The following LRRC4C variants were observed in gnomAD, a reference collection of about 807,000 sequenced individuals.
LRRC4C encodes the protein leucine-rich repeat-containing protein 4C.
LRRC4C carries 5 observed loss-of-function variants against 33.6 expected under a neutral mutation model. That is an observed-to-expected ratio of 0.15 (90% confidence interval 0.08 to 0.31). The LOEUF is 0.31. LRRC4C is among the 10% of genes least tolerant of loss of function. LRRC4C has a pLI of 1.00. For synonymous variants in LRRC4C, 329 were observed against 302.0 expected, an observed-to-expected ratio of 1.09 and a Z score of -0.93; for missense variants, 560 against 796.7, an observed-to-expected ratio of 0.70 and a Z score of 3.58.
At chr11:40,632,218 T>C (rs769129428) in intron 3 of LRRC4C, among the ~76,000 whole-genome samples, 8 of 152,188 alleles carry the variant, frequency 5.3e-5, no homozygotes, top group Non-Finnish European at 8.8e-5. Context: ...AATTAGGTAT[T>C]TGTTTTGAAA....
chr11:40,482,432 G>T (rs1467326202), intron 3 of LRRC4C, among the ~76,000 whole-genome samples: 2 of 152,036 alleles, frequency 1.3e-5, no homozygotes, highest in East Asian at 3.9e-4. Flanking sequence ...AAGACAATAA[G>T]CTAATAGAAA....
chr11:41,105,402 T>C (rs887989480), intron 1 of LRRC4C, among the ~76,000 whole-genome samples: 4 of 152,056 alleles, frequency 2.6e-5, no homozygotes, highest in African/African-American at 9.7e-5. Context: ...ACGCACATAA[T>C]CTATTATATT....
At position 40,865,610 on chromosome 11, in the gene LRRC4C, T is replaced by TA. The variant is rs995457608; in HGVS notation, c.-407+68024dup. Among the ~76,000 whole-genome samples the TA allele has an allele frequency of 6.6e-5, 10 of 151,402 alleles. No individual in the cohort carries two copies. The South Asian group carries it at 1.5e-3, about 22-fold the overall frequency. On this transcript the variant is annotated intron_variant, in intron 2 of 6. Coordinates refer to ENST00000528697, the MANE Select transcript of LRRC4C (RefSeq NM_001258419.2). ...GTTTCAAAAATAAATAAATTTGTAA[T>TA]AAAAATATAAATAAATAACAAAAGC...
chr11:40,722,098 T>C (rs913745027), intron 2 of LRRC4C, among the ~76,000 whole-genome samples: 1 of 152,226 alleles, frequency 6.6e-6, no homozygotes, highest in Non-Finnish European at 1.5e-5. Flanking sequence ...GACAAATGTA[T>C]TTAAAAATTG....
chr11:41,006,434 A>T (rs1854758529), intron 1 of LRRC4C, among the ~76,000 whole-genome samples: 1 of 152,172 alleles, frequency 6.6e-6, no homozygotes. Flanking sequence ...TACATCTCTC[A>T]TCTATTCATC....
chr11:41,363,800 A>G (rs997483172), intron 1 of LRRC4C, among the ~76,000 whole-genome samples: 6 of 152,158 alleles, frequency 3.9e-5, no homozygotes, highest in African/African-American at 1.2e-4. Flanking sequence ...AAACTATTTT[A>G]CTTTGGCTGT....
At chr11:41,246,578 C>A (rs1339551073) in intron 1 of LRRC4C, among the ~76,000 whole-genome samples, 1 of 152,194 alleles carries the variant, frequency 6.6e-6, no homozygotes, top group Non-Finnish European at 1.5e-5. Flanking sequence ...GCTCCTGCAG[C>A]TCTGTGGAGC....
chr11:41,004,778 G>A (rs899547063), intron 1 of LRRC4C, among the ~76,000 whole-genome samples: 4 of 149,352 alleles, frequency 2.7e-5, no homozygotes, highest in Non-Finnish European at 6.0e-5. Context: ...CTGAGGCTGT[G>A]TCACAGAAAA....
At chr11:41,013,780 T>G (rs908473285) in intron 1 of LRRC4C, among the ~76,000 whole-genome samples, 3 of 152,134 alleles carry the variant, frequency 2.0e-5, no homozygotes, top group Non-Finnish European at 4.4e-5. Flanking sequence ...AAAAGAAATT[T>G]AGTTGGCTTA....
Position 41,437,421 on chromosome 11 carries a change from G to GCACACACACACA in LRRC4C, c.-496+22009_-496+22010insTGTGTGTGTGTG, listed in dbSNP as rs138502307. Among the ~76,000 whole-genome samples the GCACACACACACA allele has an allele frequency of 4.7e-3, 679 of 145,054 alleles. 5 individuals are homozygous for GCACACACACACA. The highest frequency in any genetic ancestry group is 0.016 in the African/African-American group (627 of 38,526). On this transcript the variant is annotated intron_variant, in intron 1 of 6. Coordinates refer to ENST00000528697, the MANE Select transcript of LRRC4C (RefSeq NM_001258419.2). ...CACGCACACACACAAACGCGCGCGC[G>GCACACACACACA]CGCGCACACACACACACACACACAC...
intron 1 of LRRC4C, among the ~76,000 whole-genome samples, chr11:41,347,824 C>T (rs925402081): frequency 2.6e-5 from 4 of 152,146 alleles, no homozygotes; most frequent in African/African-American, 9.7e-5. Context: ...CTTGGAATCA[C>T]ATAAGATTGC....
At chr11:40,213,537 C>T (rs34326612) in intron 5 of LRRC4C, among the ~76,000 whole-genome samples, 8,418 of 152,198 alleles carry the variant, frequency 0.055, 322 homozygotes, top group Middle Eastern at 0.088. Context: ...GTCTCCCCTT[C>T]CTAGTAGCCA....
chr11:41,210,055 C>T (rs1946759502), intron 1 of LRRC4C, among the ~76,000 whole-genome samples: 1 of 152,136 alleles, frequency 6.6e-6, no homozygotes, highest in Non-Finnish European at 1.5e-5. Context: ...AAAGAGAGGC[C>T]TCACTTGAAA....
chr11:40,886,622 T>G (rs2136070484), intron 2 of LRRC4C, among the ~76,000 whole-genome samples: 1 of 152,066 alleles, frequency 6.6e-6, no homozygotes, highest in South Asian at 2.1e-4. Flanking sequence ...AATTAATTCC[T>G]GAAGTTATGC....
At chr11:40,921,388 C>T (rs1272961426) in intron 2 of LRRC4C, among the ~76,000 whole-genome samples, 2 of 152,146 alleles carry the variant, frequency 1.3e-5, no homozygotes, top group Non-Finnish European at 2.9e-5. Context: ...TGTCTAGAAG[C>T]TGAGAATGAC....
intron 2 of LRRC4C, among the ~76,000 whole-genome samples, chr11:40,817,379 A>G (rs540857851): frequency 1.3e-5 from 2 of 152,286 alleles, no homozygotes; most frequent in African/African-American, 4.8e-5. Flanking sequence ...AGTAATTAGT[A>G]GTTTTTCAGA....
chr11:40,506,454 A>G (rs1200063601), intron 3 of LRRC4C, among the ~76,000 whole-genome samples: 3 of 152,192 alleles, frequency 2.0e-5, no homozygotes, highest in African/African-American at 7.2e-5. Context: ...ACTTCCTCTG[A>G]TCAGTGAAGT....
intron 2 of LRRC4C, among the ~76,000 whole-genome samples, chr11:40,743,812 C>T (rs1948283669): frequency 6.6e-6 from 1 of 152,014 alleles, no homozygotes; most frequent in Admixed American, 6.6e-5. Context: ...CTCATTTTTT[C>T]CCTATTGTCC....
At chr11:40,638,397 G>C (rs1296197385) in intron 3 of LRRC4C, among the ~76,000 whole-genome samples, 1 of 152,274 alleles carries the variant, frequency 6.6e-6, no homozygotes, top group East Asian at 1.9e-4. Flanking sequence ...ACTGACTTCT[G>C]TTCCATTTCT....
Sources: allele counts gnomAD v4.1 joint callset (sites outside exome capture counted in the v4.1 genomes callset), GRCh38; gene constraint gnomAD v4.1.1; transcripts MANE v1.5; gene names NCBI Gene and HGNC (gene_info 2026-07-23, HGNC 2026-07-21).